Variants in PARD3B observed in about 807,000 individuals in gnomAD.
PARD3B encodes the protein par-3 family cell polarity regulator beta.
In PARD3B, 103 loss-of-function variants were observed where a neutral mutation model predicts 130.2. The observed-to-expected ratio is 0.79, with a 90% CI of 0.67 to 0.93. The LOEUF is 0.93. Ranked by LOEUF, PARD3B falls within the 40% of genes least tolerant of loss-of-function variation. PARD3B has a pLI of 0.00. For missense variants in PARD3B, 1,609 were observed against 1,499.2 expected, an observed-to-expected ratio of 1.07 and a Z score of -1.21; for synonymous variants, 583 against 553.2, an observed-to-expected ratio of 1.05 and a Z score of -0.76.
At chr2:204,752,154 T>TGC (rs1181401358) in intron 2 of PARD3B, among the ~76,000 whole-genome samples, 5 of 152,218 alleles carry the variant, frequency 3.3e-5, no homozygotes, top group Admixed American at 6.5e-5. Context: ...TGTGCTCATT[T>TGC]TATATATTGA....
At chr2:205,066,193 G>A (rs939416555) in intron 4 of PARD3B, among the ~76,000 whole-genome samples, 4 of 152,088 alleles carry the variant, frequency 2.6e-5, no homozygotes, top group Non-Finnish European at 5.9e-5. Flanking sequence ...TCTCAATTTG[G>A]CTGAGGTACT....
intron 1 of PARD3B, among the ~76,000 whole-genome samples, chr2:204,590,408 A>C (rs1280875678): frequency 6.6e-6 from 1 of 152,222 alleles, no homozygotes; most frequent in African/African-American, 2.4e-5. Context: ...AAGGATGTGC[A>C]AAGAAACGTT....
rs1403014398 is a variant in PARD3B, at chr2:205,300,780, T to C, written c.2392+44T>C. On this transcript the variant is annotated intron_variant, in intron 17 of 22. Coordinates refer to ENST00000406610, the MANE Select transcript of PARD3B (RefSeq NM_001302769.2). The surrounding 1 kb of genome is among the most constrained non-coding windows in gnomAD (Gnocchi z 4.1). ...TTAAATGGCTTCTTCATCTCATTAT[T>C]ATCTGCAAATCATGGGCAAGAATGT... 6.4e-7 allele frequency: 1 copy of C among 1,560,594 alleles called. No individual in the cohort carries two copies. The highest frequency in any genetic ancestry group is 1.4e-5 in the African/African-American group (1 of 73,564).
In PARD3B at chr2:205,615,607, C is replaced by A; in HGVS notation, c.3412C>A (p.Arg1138=). The A allele has an allele frequency of 6.2e-7, 1 of 1,614,018 alleles. No homozygotes were observed. The highest frequency in any genetic ancestry group is 8.5e-7 in the Non-Finnish European group (1 of 1,179,950). Reference sequence around the variant, plus strand: ...CACAGAGCTCAGGGTGGCAGATCTCCGGTATCCTCAGCACTACCCACCCCC... The same window carrying A: ...CACAGAGCTCAGGGTGGCAGATCTCAGGTATCCTCAGCACTACCCACCCCC... The part of the protein sequence containing the change: ...RPTELRVADL[R]YPQHYPPPPA... Residue 1138 remains arginine, a synonymous_variant, in exon 23 of 23, where the codon CGG becomes AGG. Transcript: ENST00000406610.
rs536292923 is a variant in PARD3B at position 204,562,993 on chromosome 2, A to T, written c.120+16874A>T. 2.0e-5 allele frequency among the ~76,000 whole-genome samples: 3 copies of T among 152,238 alleles called. No individual in the cohort carries two copies. The South Asian group carries it at 6.2e-4, about 32-fold the overall frequency. ...TGTGTTTCCTGGGGCTGCCATGACA[A>T]TGTACCACAAACTGGGTGGTTTAAA... On this transcript the variant is annotated intron_variant, in intron 1 of 22. Transcript: ENST00000406610.
chr2:205,442,402 G>A (rs1360329308), intron 20 of PARD3B, among the ~76,000 whole-genome samples: 5 of 148,626 alleles, frequency 3.4e-5, no homozygotes, highest in East Asian at 2.0e-4. Context: ...AGTTTTGAGC[G>A]TTTCTCCTGC....
At chr2:205,315,789 G>C (rs959594741) in intron 18 of PARD3B, among the ~76,000 whole-genome samples, 1 of 152,088 alleles carries the variant, frequency 6.6e-6, no homozygotes, top group Non-Finnish European at 1.5e-5. Flanking sequence ...TAGAATGACC[G>C]TCTTCCCCTG....
chr2:205,523,465 C>A (rs2051184679), intron 21 of PARD3B, among the ~76,000 whole-genome samples: 1 of 151,528 alleles, frequency 6.6e-6, no homozygotes, highest in South Asian at 2.1e-4. Flanking sequence ...GCTGGTCGTA[C>A]CATATTTTCT....
chr2:204,845,066 A>G lies in PARD3B; in HGVS notation c.223-120086A>G, dbSNP rs534369462. ...GGAAAATGTATCCTGCACGCTGAGGATTACCTATGGCTAAATGAGAGTTGA... is the reference window on the plus strand; with the variant it reads ...GGAAAATGTATCCTGCACGCTGAGGGTTACCTATGGCTAAATGAGAGTTGA... On this transcript the variant is annotated intron_variant, in intron 2 of 22. Transcript: ENST00000406610. Among the ~76,000 whole-genome samples the G allele has an allele frequency of 1.1e-4, 16 of 152,276 alleles. No individual in the cohort carries two copies. The East Asian group carries it at 2.9e-3, about 28-fold the overall frequency.
chr2:205,065,621 G>A (rs1415415299), intron 4 of PARD3B, among the ~76,000 whole-genome samples: 1 of 152,152 alleles, frequency 6.6e-6, no homozygotes, highest in Non-Finnish European at 1.5e-5. Flanking sequence ...GAGTGGCTTG[G>A]TGCTGTTCTG....
chr2:204,636,102 T>TA, intron 1 of PARD3B, among the ~76,000 whole-genome samples: 1 of 152,264 alleles, frequency 6.6e-6, no homozygotes, highest in Admixed American at 6.5e-5. Flanking sequence ...TATTTTAATT[T>TA]AAATTAATTT....
At chr2:205,209,648 T>G (rs969166678) in intron 15 of PARD3B, among the ~76,000 whole-genome samples, 1 of 151,698 alleles carries the variant, frequency 6.6e-6, no homozygotes, top group Non-Finnish European at 1.5e-5. Flanking sequence ...AAATGAAGTT[T>G]AGCAGTTTCA....
At position 204,689,485 on chromosome 2, in the gene PARD3B, G is replaced by A. The variant is rs1438973665; in HGVS notation, c.222+3203G>A. On this transcript the variant is annotated intron_variant, in intron 2 of 22. Coordinates refer to ENST00000406610, the MANE Select transcript of PARD3B (RefSeq NM_001302769.2). This position sits in a 1 kb window ranked among gnomAD's most constrained non-coding sequence, Gnocchi z 5.2. The stretch of plus-strand genomic sequence containing the variant: ...TGACAGTTATTCTCAAGATTCTTCA[G>A]TTTGTCTATCAGTCTGATGATTCGA... Among the ~76,000 whole-genome samples, 1 of 152,098 alleles carries A rather than the reference G, an allele frequency of 6.6e-6. No homozygotes were observed. Among genetic ancestry groups the A allele is most frequent in the African/African-American group, 2.4e-5 (1 of 41,424 alleles).
intron 2 of PARD3B, among the ~76,000 whole-genome samples, chr2:204,716,782 C>T (rs903844837): frequency 6.6e-5 from 10 of 151,954 alleles, no homozygotes; most frequent in Non-Finnish European, 1.2e-4. Flanking sequence ...GCCACCACGC[C>T]TGGCTAATTT....
rs2044619367 is a variant in PARD3B at position 205,366,609 on chromosome 2, GCTAC to G, written c.2631-34401_2631-34398del. Among the ~76,000 whole-genome samples, 1 of 152,236 alleles carries G rather than the reference GCTAC, an allele frequency of 6.6e-6. No individual in the cohort carries two copies. The highest frequency in any genetic ancestry group is 1.9e-4 in the East Asian group (1 of 5,180). On this transcript the variant is annotated intron_variant, in intron 18 of 22. Coordinates refer to ENST00000406610, the MANE Select transcript of PARD3B (RefSeq NM_001302769.2). This position sits in a 1 kb window ranked among gnomAD's most constrained non-coding sequence, Gnocchi z 5.0. Reference sequence around the variant, plus strand: ...GCAGGGTATTGCTTTATCTTATCATGCTACCTGTCAGCATACAGATGACACTCAA... The same window carrying G: ...GCAGGGTATTGCTTTATCTTATCATGCTGTCAGCATACAGATGACACTCAA...
At chr2:204,697,223 G>A (rs2037652404) in intron 2 of PARD3B, among the ~76,000 whole-genome samples, 1 of 152,026 alleles carries the variant, frequency 6.6e-6, no homozygotes, top group Admixed American at 6.6e-5. Context: ...GTTCTAAATA[G>A]TTCGCCTTTT....
chr2:205,024,798 A>G (rs1487422778), intron 3 of PARD3B, among the ~76,000 whole-genome samples: 2 of 152,336 alleles, frequency 1.3e-5, no homozygotes, highest in East Asian at 3.9e-4. Flanking sequence ...CCTATAGGTA[A>G]GCACTATAAC....
At chr2:205,262,243 G>T (rs894398750) in intron 16 of PARD3B, among the ~76,000 whole-genome samples, 2 of 152,020 alleles carry the variant, frequency 1.3e-5, no homozygotes, top group African/African-American at 4.8e-5. Flanking sequence ...AGTTTACAAG[G>T]GTTAAAGAAA....
At chr2:204,630,434 T>G (rs1408347206) in intron 1 of PARD3B, among the ~76,000 whole-genome samples, 1 of 151,634 alleles carries the variant, frequency 6.6e-6, no homozygotes, top group African/African-American at 2.4e-5. Flanking sequence ...TAAATATTTG[T>G]GGATATTTAT....
Sources: allele counts gnomAD v4.1 joint callset (sites outside exome capture counted in the v4.1 genomes callset), GRCh38; gene constraint gnomAD v4.1.1; non-coding constraint Gnocchi (gnomAD v3.1); transcripts MANE v1.5; gene names NCBI Gene and HGNC (gene_info 2026-07-23, HGNC 2026-07-21).